The following CSMD1 variants were observed in gnomAD, a reference collection of about 807,000 sequenced individuals.
CSMD1 encodes the protein CUB and sushi domain-containing protein 1.
In CSMD1, 213 loss-of-function variants were observed where a neutral mutation model predicts 417.5. The observed-to-expected ratio is 0.51, with a 90% CI of 0.46 to 0.57. The LOEUF (loss-of-function observed/expected upper bound fraction) is 0.57. Ranked by LOEUF, CSMD1 falls within the 20% of genes least tolerant of loss-of-function variation. CSMD1 has a pLI of 0.00. For missense variants in CSMD1, 6,923 were observed against 4,529.7 expected (o/e 1.53, Z -15.17); for synonymous variants, 2,862 against 1,736.8 (o/e 1.65, Z -16.11).
chr8:4,550,148 A>G (rs911885555), intron 2 of CSMD1, among the ~76,000 whole-genome samples: 1 of 151,774 alleles, frequency 6.6e-6, no homozygotes. Context: ...TGGTGTGGCC[A>G]CATGACGAAG....
intron 5 of CSMD1, among the ~76,000 whole-genome samples, chr8:3,821,266 T>A (rs528308780): frequency 6.6e-6 from 1 of 152,206 alleles, no homozygotes; most frequent in Middle Eastern, 3.4e-3. Flanking sequence ...AAAATAACAA[T>A]CAAAAGTATA....
At chr8:3,439,309 A>ATATATATATATATATATATAT in intron 12 of CSMD1, among the ~76,000 whole-genome samples, 85 of 62,380 alleles carry the variant, frequency 1.4e-3, no homozygotes, top group Non-Finnish European at 1.5e-3. Flanking sequence ...ATATATATAT[A>ATATATATATATATATATATAT]TTTTTTTTTT....
chr8:3,816,930 T>C (rs1254257152), intron 5 of CSMD1, among the ~76,000 whole-genome samples: 1 of 152,188 alleles, frequency 6.6e-6, no homozygotes, highest in Non-Finnish European at 1.5e-5. Flanking sequence ...CCTATTCTAC[T>C]ATTCTAGGCA....
At chr8:3,583,349 G>A (rs1164569781) in intron 9 of CSMD1, among the ~76,000 whole-genome samples, 2 of 151,908 alleles carry the variant, frequency 1.3e-5, no homozygotes, top group Non-Finnish European at 2.9e-5. Flanking sequence ...GTTTTGGGGA[G>A]TGTCATAGAG....
At chr8:3,505,390 G>T (rs535679782) in intron 10 of CSMD1, among the ~76,000 whole-genome samples, 2 of 152,150 alleles carry the variant, frequency 1.3e-5, no homozygotes, top group Non-Finnish European at 2.9e-5. Flanking sequence ...AAAAGATATT[G>T]AAGTTTCTTG....
intron 7 of CSMD1, chr8:3,704,989 G>A (rs1801085686): frequency 6.6e-6 from 1 of 152,214 alleles, no homozygotes; most frequent in Non-Finnish European, 1.5e-5. Flanking sequence ...AGAACTTTGG[G>A]TAGAACTTGC....
intron 40 of CSMD1, among the ~76,000 whole-genome samples, chr8:3,147,165 A>G (rs1369206404): frequency 6.6e-6 from 1 of 152,206 alleles, no homozygotes; most frequent in East Asian, 1.9e-4. Context: ...TAGAGATACA[A>G]TCTGAAGCCT....
At position 3,230,235 on chromosome 8, in the gene CSMD1, C is replaced by G. The variant is rs1798754509; in HGVS notation, c.4154-4G>C. ...TTACAGGTGGCTGCAATTGAGGCTG[C>G]AAACAAAAGAGAAGGCAAGGTCACA... On this transcript the variant is annotated splice_polypyrimidine_tract_variant and splice_region_variant and intron_variant, in intron 26 of 69. Transcript: ENST00000635120. 1.9e-6 allele frequency: 3 copies of G among 1,564,720 alleles called. No individual in the cohort carries two copies. Among genetic ancestry groups the G allele is most frequent in the Non-Finnish European group, 2.6e-6 (3 of 1,153,106 alleles).
At chr8:4,228,214 G>C (rs1419203653) in intron 3 of CSMD1, among the ~76,000 whole-genome samples, 2 of 152,144 alleles carry the variant, frequency 1.3e-5, no homozygotes, top group East Asian at 1.9e-4. Context: ...CTTGGCTGCT[G>C]TATCATTCCC....
chr8:3,714,944 A>G (rs1801742269), intron 6 of CSMD1, among the ~76,000 whole-genome samples: 2 of 151,968 alleles, frequency 1.3e-5, no homozygotes, highest in South Asian at 4.2e-4. Context: ...TTACTCTAGG[A>G]CTCTCTTTTT....
intron 8 of CSMD1, among the ~76,000 whole-genome samples, chr8:3,597,767 A>C (rs1197872351): frequency 6.6e-6 from 1 of 152,178 alleles, no homozygotes; most frequent in Non-Finnish European, 1.5e-5. Flanking sequence ...GTTCTCACTC[A>C]TAAGTGGGAG....
intron 30 of CSMD1, among the ~76,000 whole-genome samples, chr8:3,210,137 G>C (rs201000121): frequency 1.3e-5 from 2 of 152,180 alleles, no homozygotes; most frequent in East Asian, 3.8e-4. Context: ...AGGCCCCGAG[G>C]TTAACTGTTG....
At chr8:4,873,377 T>C (rs998424436) in intron 1 of CSMD1, among the ~76,000 whole-genome samples, 2 of 152,080 alleles carry the variant, frequency 1.3e-5, no homozygotes, top group African/African-American at 2.4e-5. Flanking sequence ...AGATCAGCGA[T>C]AGAGGAGAGA....
At chr8:4,138,069 T>TGGA (rs1803543056) in intron 3 of CSMD1, among the ~76,000 whole-genome samples, 13 of 86,964 alleles carry the variant, frequency 1.5e-4, no homozygotes, top group Non-Finnish European at 2.8e-4. Flanking sequence ...TTTTTTTTTT[T>TGGA]TTTTTTTTTT....
rs115044855 is a variant in CSMD1, at chr8:3,593,952, A to G, written c.1098-7692T>C. Among the ~76,000 whole-genome samples the G allele has an allele frequency of 2.7e-3, 406 of 152,288 alleles. 3 individuals carry two copies. Among genetic ancestry groups the G allele is most frequent in the African/African-American group, 8.9e-3 (368 of 41,540 alleles). On this transcript the variant is annotated intron_variant, in intron 8 of 69. Transcript: ENST00000635120. Reference sequence around the variant, plus strand: ...CAGTTATATGGGGAGTTTCCTGAACAAGGTGCTAAAAAGTTTTCTGGAAAC... The same window carrying G: ...CAGTTATATGGGGAGTTTCCTGAACGAGGTGCTAAAAAGTTTTCTGGAAAC...
At chr8:3,335,782 C>T (rs776170386) in intron 23 of CSMD1, among the ~76,000 whole-genome samples, 3 of 152,144 alleles carry the variant, frequency 2.0e-5, no homozygotes, top group Non-Finnish European at 4.4e-5. Context: ...TATACAATGT[C>T]ACTAATTCTC....
chr8:4,776,418 A>G (rs1056373041), intron 1 of CSMD1, among the ~76,000 whole-genome samples: 4 of 152,178 alleles, frequency 2.6e-5, no homozygotes, highest in African/African-American at 7.2e-5. Flanking sequence ...TGGTGCCTCT[A>G]GAGAATTCTT....
At position 2,973,100 on chromosome 8, in the gene CSMD1, G is replaced by C. The variant is rs780343361; in HGVS notation, c.8923+17C>G. Reference sequence around the variant, plus strand: ...TTTTAACTTTCAAGGTGGACCTTAAGGCTTCTGGCTACTCACCCTCACACA... The same window carrying C: ...TTTTAACTTTCAAGGTGGACCTTAACGCTTCTGGCTACTCACCCTCACACA... On this transcript the variant is annotated intron_variant, in intron 57 of 69. Coordinates refer to ENST00000635120, the MANE Select transcript of CSMD1 (RefSeq NM_033225.6). 6 of 1,609,908 alleles carry C rather than the reference G, an allele frequency of 3.7e-6. No homozygotes were observed. The highest frequency in any genetic ancestry group is 4.5e-5 in the East Asian group (2 of 44,794).
At chr8:3,699,938 CA>C (rs1800760851) in intron 7 of CSMD1, among the ~76,000 whole-genome samples, 1 of 151,566 alleles carries the variant, frequency 6.6e-6, no homozygotes, top group Non-Finnish European at 1.5e-5. Flanking sequence ...CCCATAACTA[CA>C]TCCCTGGGTT....
Sources: gnomAD v4.1 joint callset for allele counts (sites outside exome capture counted in the v4.1 genomes callset) on GRCh38, gnomAD v4.1.1 for gene constraint, MANE v1.5 for transcripts, NCBI Gene and HGNC (gene_info 2026-07-23, HGNC 2026-07-21) for gene names.